Variants in ARFIP2 observed in about 807,000 individuals in gnomAD.
The protein encoded by ARFIP2 is arfaptin-2.
A neutral mutation model predicts 39.2 loss-of-function variants in ARFIP2; 14 were observed. That is an observed-to-expected ratio of 0.36 (90% confidence interval 0.24 to 0.56). ARFIP2 has a LOEUF of 0.56. ARFIP2 is among the 20% of genes least tolerant of loss of function. The pLI, the probability that ARFIP2 is intolerant of heterozygous loss-of-function variation, is 0.85. For synonymous variants in ARFIP2, 167 were observed against 172.4 expected (o/e 0.97, Z 0.24); for missense variants, 305 against 422.5 (o/e 0.72, Z 2.44).
chr11:6,476,977 G>T lies in ARFIP2; in HGVS notation c.*136C>A. 1 of 1,042,854 alleles carries T rather than the reference G, an allele frequency of 9.6e-7. No homozygotes were observed. The highest frequency in any genetic ancestry group is 1.3e-6 in the Non-Finnish European group (1 of 740,890). 64.6% of individuals were successfully genotyped at this position (1,042,854 alleles called of 1,614,324 possible). A position where few individuals can be genotyped will look rare whatever the true frequency, so the allele number is the denominator to read the frequency against. On this transcript the variant is annotated 3_prime_UTR_variant, in exon 8 of 8. Coordinates refer to ENST00000396777, the MANE Select transcript of ARFIP2 (RefSeq NM_001376558.2). ...CCACCATAGCAATGTGGGCAAAACT[G>T]GTGTCAGGCCCCAGCCAGAAAAAGG...
chr11:6,480,475 A>G lies in ARFIP2; in HGVS notation c.-42-12T>C. 7.1e-7 allele frequency: 1 copy of G among 1,415,078 alleles called. No individual in the cohort carries two copies. The highest frequency in any genetic ancestry group is 9.6e-7 in the Non-Finnish European group (1 of 1,045,336). 87.7% of individuals were successfully genotyped at this position (1,415,078 alleles called of 1,614,324 possible). A position where few individuals can be genotyped will look rare whatever the true frequency, so the allele number is the denominator to read the frequency against. On this transcript the variant is annotated splice_polypyrimidine_tract_variant and intron_variant, in intron 1 of 7. Coordinates refer to ENST00000396777, the MANE Select transcript of ARFIP2 (RefSeq NM_001376558.2). ...TCCACCCCAGCACCCTGCAAAGCCC[A>G]ACACAGAAGTTCTGGACACTGGCCA...
chr11:6,478,476 C>A lies in ARFIP2; in HGVS notation c.537+262G>T, dbSNP rs1159467503. ...AAGCAGGGGAGGGGCTCTGATTAGG[C>A]TGAGCACGAAGGCATTCTCCCCAGT... On this transcript the variant is annotated intron_variant, in intron 5 of 7. Coordinates refer to ENST00000396777, the MANE Select transcript of ARFIP2 (RefSeq NM_001376558.2). The surrounding 1 kb of genome is among the most constrained non-coding windows in gnomAD (Gnocchi z 4.8). The A allele has an allele frequency of 8.3e-7, 1 of 1,209,456 alleles. No homozygotes were observed. The highest frequency in any genetic ancestry group is 1.1e-6 in the Non-Finnish European group (1 of 894,378). The allele number at this position is 1,209,456 out of a possible 1,614,324, so 74.9% of individuals were successfully genotyped here. A position where few individuals can be genotyped will look rare whatever the true frequency, so the allele number is the denominator to read the frequency against.
chr11:6,479,185 T>C lies in ARFIP2; in HGVS notation c.270A>G (p.Gly90=). ...ATTTCTTGACGATGTCAAACTTTTC[T>C]CCAGCAATGCCCCGAGCCACCTCAT... ...PGDEVARGIA[G]EKFDIVKKWG... Residue 90 remains glycine, a synonymous_variant, in exon 4 of 8, where the codon GGA becomes GGG. Transcript: ENST00000396777. The C allele has an allele frequency of 9.9e-6, 16 of 1,614,144 alleles. No homozygotes were observed. Among genetic ancestry groups the C allele is most frequent in the Non-Finnish European group, 1.4e-5 (16 of 1,180,048 alleles).
rs1851392907 is a variant in ARFIP2, at chr11:6,478,830, C to T, written c.445G>A (p.Ala149Thr). 1 of 1,614,064 alleles carries T rather than the reference C, an allele frequency of 6.2e-7. No homozygotes were observed. The highest frequency in any genetic ancestry group is 1.3e-5 in the African/African-American group (1 of 74,930). The change falls in exon 5 of 8, where the codon GCA becomes ACA. Residue 149 changes from alanine (A) to threonine (T), a missense_variant. Coordinates refer to ENST00000396777, the MANE Select transcript of ARFIP2 (RefSeq NM_001376558.2). The surrounding 1 kb of genome is among the most constrained non-coding windows in gnomAD (Gnocchi z 4.8). ...KYESVLQLGR[A>T]LTAHLYSLLQ... is the part of the protein sequence containing the mutation. Reference sequence around the variant, plus strand: ...AGGCTGTAGAGGTGGGCTGTCAGTGCCCGGCCCAGCTGCAGGACACTCTCA... The same window carrying T: ...AGGCTGTAGAGGTGGGCTGTCAGTGTCCGGCCCAGCTGCAGGACACTCTCA...
In ARFIP2 at chr11:6,477,379, CT is replaced by C; in HGVS notation, c.871-112del. ...GCACAAGGACTCTGCTCTGATGGTG[CT>C]TTTGGGGTAGGGGCTGAACTCTACC... On this transcript the variant is annotated intron_variant, in intron 7 of 7. Coordinates refer to ENST00000396777, the MANE Select transcript of ARFIP2 (RefSeq NM_001376558.2). This position sits in a 1 kb window ranked among gnomAD's most constrained non-coding sequence, Gnocchi z 4.8. The C allele has an allele frequency of 1.5e-6, 2 of 1,305,896 alleles. No individual in the cohort carries two copies. 80.9% of individuals were successfully genotyped at this position (1,305,896 alleles called of 1,614,324 possible).
chr11:6,477,018 G>A lies in ARFIP2; in HGVS notation c.*95C>T. ...CAGAAAAAGGAGCCCAAGCCAGAGG[G>A]CAAGTGACAAAGGATGTACCATGTC... is the stretch of plus-strand genomic sequence containing the variant. On this transcript the variant is annotated 3_prime_UTR_variant, in exon 8 of 8. Transcript: ENST00000396777. This position sits in a 1 kb window ranked among gnomAD's most constrained non-coding sequence, Gnocchi z 4.8. 1 of 1,392,122 alleles carries A rather than the reference G, an allele frequency of 7.2e-7. No homozygotes were observed. The highest frequency in any genetic ancestry group is 9.6e-7 in the Non-Finnish European group (1 of 1,044,834). 86.2% of individuals were successfully genotyped at this position (1,392,122 alleles called of 1,614,324 possible).
chr11:6,479,701 G>C, intron 3 of ARFIP2: 1 of 549,274 alleles, frequency 1.8e-6, no homozygotes. Context: ...GCTGTAGAGG[G>C]GGGGCATTCC....
chr11:6,480,453 AC>A lies in ARFIP2; in HGVS notation c.-33del, dbSNP rs1564985621. ...GAAAGGTATTGGAGTAAAACTCTCCACCCCAGCACCCTGCAAAGCCCAACAC... is the reference window on the plus strand; with the variant it reads ...GAAAGGTATTGGAGTAAAACTCTCCACCCAGCACCCTGCAAAGCCCAACAC... On this transcript the variant is annotated 5_prime_UTR_variant, in exon 2 of 8. Coordinates refer to ENST00000396777, the MANE Select transcript of ARFIP2 (RefSeq NM_001376558.2). 1 of 1,535,482 alleles carries A rather than the reference AC, an allele frequency of 6.5e-7. No homozygotes were observed. The highest frequency in any genetic ancestry group is 2.3e-5 in the East Asian group (1 of 42,912).
chr11:6,479,779 A>G, intron 3 of ARFIP2, 193 bp downstream of exon 3: 2 of 608,214 alleles, frequency 3.3e-6, no homozygotes, highest in South Asian at 4.1e-5. Context: ...TTCAGGGGCT[A>G]AGTGGCAAAA....
chr11:6,480,991 C>A lies in ARFIP2; in HGVS notation c.-43+240G>T, dbSNP rs1851694910. 6 of 178,774 alleles carry A rather than the reference C, an allele frequency of 3.4e-5. No homozygotes were observed. The South Asian group carries it at 6.5e-4, about 19-fold the overall frequency. 11.1% of individuals were successfully genotyped at this position (178,774 alleles called of 1,614,324 possible). ...CCTCGTCTTCCTCGGGCCCTCCCCA[C>A]CAGGCCTTAGTTAGATCAGTGGGTG... On this transcript the variant is annotated intron_variant, in intron 1 of 7. Transcript: ENST00000396777.
In ARFIP2 at chr11:6,478,509, G is replaced by A. The variant is rs1851350055; in HGVS notation, c.537+229C>T. 2 of 1,358,060 alleles carry A rather than the reference G, an allele frequency of 1.5e-6. No homozygotes were observed. The highest frequency in any genetic ancestry group is 1.9e-6 in the Non-Finnish European group (2 of 1,029,350). The allele number at this position is 1,358,060 out of a possible 1,614,324, so 84.1% of individuals were successfully genotyped here. A position where few individuals can be genotyped will look rare whatever the true frequency, so the allele number is the denominator to read the frequency against. Reference sequence around the variant, plus strand: ...GAAGGCATTCTCCCCAGTGCAGAGAGGGGTTATTTGTGAGGCACCTAGTGT... The same window carrying A: ...GAAGGCATTCTCCCCAGTGCAGAGAAGGGTTATTTGTGAGGCACCTAGTGT... On this transcript the variant is annotated intron_variant, in intron 5 of 7. Coordinates refer to ENST00000396777, the MANE Select transcript of ARFIP2 (RefSeq NM_001376558.2). The surrounding 1 kb of genome is among the most constrained non-coding windows in gnomAD (Gnocchi z 4.8).
rs769988786 is a variant in ARFIP2 at position 6,479,169 on chromosome 11, C to T, written c.286G>A (p.Val96Ile). 6.8e-6 allele frequency: 11 copies of T among 1,614,100 alleles called. No individual in the cohort carries two copies. The highest frequency in any genetic ancestry group is 2.2e-5 in the East Asian group (1 of 44,874). Residue 96 changes from valine (V) to isoleucine (I), a missense_variant, in exon 4 of 8, where the codon GTC (valine) becomes ATC (isoleucine). Physicochemically the swap from Val to Ile is conservative, Grantham distance 29. Coordinates refer to ENST00000396777, the MANE Select transcript of ARFIP2 (RefSeq NM_001376558.2). ...TAGGTGTTGATGCCCCATTTCTTGA[C>T]GATGTCAAACTTTTCTCCAGCAATG... The part of the protein sequence containing the change: ...RGIAGEKFDI[V>I]KKWGINTYKC...
At position 6,476,965 on chromosome 11, in the gene ARFIP2, G is replaced by A; in HGVS notation, c.*148C>T. On this transcript the variant is annotated 3_prime_UTR_variant, in exon 8 of 8. Coordinates refer to ENST00000396777, the MANE Select transcript of ARFIP2 (RefSeq NM_001376558.2). ...CAGGCCCTCTTCCCACCATAGCAAT[G>A]TGGGCAAAACTGGTGTCAGGCCCCA... 1.1e-6 allele frequency: 1 copy of A among 917,644 alleles called. No individual in the cohort carries two copies. Among genetic ancestry groups the A allele is most frequent in the Non-Finnish European group, 1.6e-6 (1 of 630,518 alleles). The allele number at this position is 917,644 out of a possible 1,614,324, so 56.8% of individuals were successfully genotyped here. A position where few individuals can be genotyped will look rare whatever the true frequency, so the allele number is the denominator to read the frequency against.
chr11:6,479,021 T>C, intron 4 of ARFIP2, 62 bp from the exon 5 acceptor site: 2 of 1,588,672 alleles, frequency 1.3e-6, no homozygotes, highest in South Asian at 2.2e-5. Flanking sequence ...AACAGGTATC[T>C]ACCCCAGCAC....
Position 6,479,142 on chromosome 11 carries a change from T to C in ARFIP2, c.313A>G (p.Lys105Glu), listed in dbSNP as rs1418647068. ...AGGGAGAGGTGCTTAAATCCTACCT[T>C]ATAGGTGTTGATGCCCCATTTCTTG... is the stretch of plus-strand genomic sequence containing the variant. ...IVKKWGINTY[K>E]CTKQLLSERF... Residue 105 changes from lysine (K) to glutamate (E), a missense_variant and splice_region_variant, in exon 4 of 8, where the codon AAG becomes GAG. Transcript: ENST00000396777. 1 of 1,613,918 alleles carries C rather than the reference T, an allele frequency of 6.2e-7. No individual in the cohort carries two copies. Among genetic ancestry groups the C allele is most frequent in the Non-Finnish European group, 8.5e-7 (1 of 1,179,970 alleles).
In ARFIP2 at chr11:6,477,773, T is replaced by C. The variant is rs1183769233; in HGVS notation, c.815A>G (p.Tyr272Cys). Residue 272 changes from tyrosine to cysteine, a missense_variant, in exon 7 of 8, where the codon TAT becomes TGT. Tyr to Cys is a radical substitution (Grantham distance 194). This residue lies in a region of ARFIP2 where 112 missense variants were observed against 118.2 expected (regional missense o/e 0.95). Transcript: ENST00000396777. The surrounding 1 kb of genome is among the most constrained non-coding windows in gnomAD (Gnocchi z 4.8). ...GGCCACATCTCCCCGCAGCTTCTCA[T>C]ACTTGTCCCGATGGGCCTGGAAAGT... ...QATFQAHRDK[Y>C]EKLRGDVAIK... The C allele has an allele frequency of 6.2e-7, 1 of 1,613,966 alleles. No homozygotes were observed. Among genetic ancestry groups the C allele is most frequent in the South Asian group, 1.1e-5 (1 of 91,078 alleles).
chr11:6,476,546 G>C lies in ARFIP2; in HGVS notation c.*567C>G, dbSNP rs552868887. 1 of 153,504 alleles carries C rather than the reference G, an allele frequency of 6.5e-6. No individual in the cohort carries two copies. Among genetic ancestry groups the C allele is most frequent in the South Asian group, 2.1e-4 (1 of 4,852 alleles). The allele number at this position is 153,504 out of a possible 1,614,324, so 9.5% of individuals were successfully genotyped here. On this transcript the variant is annotated 3_prime_UTR_variant, in exon 8 of 8. Coordinates refer to ENST00000396777, the MANE Select transcript of ARFIP2 (RefSeq NM_001376558.2). The stretch of plus-strand genomic sequence containing the variant: ...CTTTTATGAAAGGTTTATTCCTAGT[G>C]CTAGATCCCAATCTTCTTGGGCTCT...
At position 6,479,249 on chromosome 11, in the gene ARFIP2, C is replaced by T. The variant is rs754935012; in HGVS notation, c.206G>A (p.Arg69His). The T allele has an allele frequency of 1.4e-5, 23 of 1,613,974 alleles. No homozygotes were observed. The highest frequency in any genetic ancestry group is 3.3e-4 in the Middle Eastern group (2 of 6,084). The change falls in exon 4 of 8, where the codon CGC (arginine) becomes CAC (histidine). Residue 69 changes from arginine (R) to histidine (H), a missense_variant. Around this residue, in one of 3 missense-constraint regions of ARFIP2, gnomAD observed 151 missense variants for 203.1 expected, o/e 0.74. Coordinates refer to ENST00000396777, the MANE Select transcript of ARFIP2 (RefSeq NM_001376558.2). ...GDGLIPTGSG[R>H]HPSHSTTPSG... ...AGGAGTGGTGCTGTGAGATGGATGG[C>T]GGCCAGACCCTAAAGGATCAAGTTC...
At position 6,480,394 on chromosome 11, in the gene ARFIP2, C is replaced by T; in HGVS notation, c.28G>A (p.Ala10Thr). The T allele has an allele frequency of 6.2e-7, 1 of 1,613,048 alleles. No individual in the cohort carries two copies. Among genetic ancestry groups the T allele is most frequent in the African/African-American group, 1.3e-5 (1 of 74,986 alleles). The part of the protein sequence containing the change: MTDGILGKA[A>T]TMEIPIHGNG... ...CCGTGGATAGGGATCTCCATTGTGG[C>T]TGCCTTCCCTAGGATCCCGTCCGTC... is the stretch of plus-strand genomic sequence containing the variant. The change falls in exon 2 of 8, where the codon GCC becomes ACC. Residue 10 changes from alanine to threonine, a missense_variant. By Grantham distance (58) the Ala-to-Thr change is moderately conservative. Coordinates refer to ENST00000396777, the MANE Select transcript of ARFIP2 (RefSeq NM_001376558.2).
Sources: allele counts gnomAD v4.1 joint callset, GRCh38; gene constraint gnomAD v4.1.1; regional missense constraint gnomAD v4.1.1; non-coding constraint Gnocchi (gnomAD v3.1); transcripts MANE v1.5; gene names NCBI Gene and HGNC (gene_info 2026-07-23, HGNC 2026-07-21).